The following TRPM3 variants were observed in gnomAD, a reference collection of about 807,000 sequenced individuals.
The protein encoded by TRPM3 is transient receptor potential cation channel subfamily M member 3.
Under a neutral mutation model 181.2 loss-of-function variants are expected in TRPM3, and 77 were observed. The ratio of observed to expected loss-of-function variants is 0.42; its 90% CI spans 0.35 to 0.51. The LOEUF is 0.51. Ranked by LOEUF, TRPM3 falls within the 20% of genes least tolerant of loss-of-function variation. The pLI is 0.01. For missense variants in TRPM3, 1,759 were observed against 2,196.7 expected (o/e 0.80, Z 3.98); for synonymous variants, 745 against 796.4 (o/e 0.94, Z 1.09).
chr9:71,147,680 C>T (rs1017648951), intron 1 of TRPM3, among the ~76,000 whole-genome samples: 2 of 152,046 alleles, frequency 1.3e-5, no homozygotes, highest in African/African-American at 4.8e-5. Flanking sequence ...GGAATTTATC[C>T]CATTTCAAGT....
At chr9:71,110,116 G>T (rs950344176) in intron 1 of TRPM3, among the ~76,000 whole-genome samples, 1 of 152,014 alleles carries the variant, frequency 6.6e-6, no homozygotes, top group South Asian at 2.1e-4. Flanking sequence ...CAATAAGCAC[G>T]AACGATTTAG....
chr9:71,420,747 A>AAGAGAGAGAG (rs1211935884), intron 1 of TRPM3, among the ~76,000 whole-genome samples: 1 of 83,904 alleles, frequency 1.2e-5, no homozygotes, highest in Admixed American at 1.1e-4. Flanking sequence ...AAGAGAGAGA[A>AAGAGAGAGAG]AGAGAGAGAA....
At chr9:70,650,810 C>A (rs2059506901) in intron 9 of TRPM3, among the ~76,000 whole-genome samples, 2 of 152,128 alleles carry the variant, frequency 1.3e-5, no homozygotes, top group Non-Finnish European at 2.9e-5. Context: ...TGATGATTCC[C>A]CCGCTTCATT....
intron 1 of TRPM3, among the ~76,000 whole-genome samples, chr9:70,934,678 C>T (rs2096808162): frequency 1.3e-5 from 2 of 152,044 alleles, no homozygotes; most frequent in South Asian, 4.2e-4. Context: ...AAGATTTTGC[C>T]ATTATGGCAA....
chr9:70,692,145 T>C (rs191002080), intron 8 of TRPM3, among the ~76,000 whole-genome samples: 1 of 152,362 alleles, frequency 6.6e-6, no homozygotes, highest in African/African-American at 2.4e-5. Flanking sequence ...GTTTGTAGTC[T>C]CATTTTATTC....
intron 3 of TRPM3, among the ~76,000 whole-genome samples, chr9:70,853,423 T>C (rs186737267): frequency 2.6e-5 from 4 of 152,334 alleles, no homozygotes; most frequent in African/African-American, 9.6e-5. Context: ...GCTCCTCAGG[T>C]ACCACATGAG....
chr9:70,583,698 G>A (rs900115071), intron 22 of TRPM3, among the ~76,000 whole-genome samples: 1 of 152,124 alleles, frequency 6.6e-6, no homozygotes, highest in Non-Finnish European at 1.5e-5. Context: ...AGCCATTTGG[G>A]GAGGTTCCTC....
chr9:70,698,947 C>A (rs2071510063), intron 8 of TRPM3, among the ~76,000 whole-genome samples: 1 of 152,150 alleles, frequency 6.6e-6, no homozygotes, highest in South Asian at 2.1e-4. Context: ...GCCAATTAAA[C>A]CTCTGTTCTT....
chr9:71,107,153 C>G (rs1333858882), intron 1 of TRPM3, among the ~76,000 whole-genome samples: 1 of 152,120 alleles, frequency 6.6e-6, no homozygotes. Context: ...TACCCCCAAC[C>G]CTGCACAGAG....
Position 70,934,703 on chromosome 9 carries a change from C to G in TRPM3, c.178-70192G>C, listed in dbSNP as rs2096808670. Among the ~76,000 whole-genome samples, 4 of 152,196 alleles carry G rather than the reference C, an allele frequency of 2.6e-5. No individual in the cohort carries two copies. In the South Asian group the frequency reaches 8.3e-4, roughly 32 times the overall value. On this transcript the variant is annotated intron_variant, in intron 1 of 25. Coordinates refer to ENST00000677713, the MANE Select transcript of TRPM3 (RefSeq NM_001366145.2). Reference sequence around the variant, plus strand: ...CATTATGGCAAAAAAACATGTATAACTACATTTCCTTTATTTCTCAGGCTA... The same window carrying G: ...CATTATGGCAAAAAAACATGTATAAGTACATTTCCTTTATTTCTCAGGCTA...
intron 1 of TRPM3, among the ~76,000 whole-genome samples, chr9:71,113,383 G>A (rs1353936519): frequency 6.6e-6 from 1 of 152,176 alleles, no homozygotes; most frequent in Non-Finnish European, 1.5e-5. Flanking sequence ...TGTGGTGAAT[G>A]GGTGATCCTA....
At chr9:70,765,647 G>A (rs1401595402) in intron 7 of TRPM3, among the ~76,000 whole-genome samples, 1 of 152,102 alleles carries the variant, frequency 6.6e-6, no homozygotes, top group Non-Finnish European at 1.5e-5. Flanking sequence ...TTTTTCATAA[G>A]TATTTGCTCT....
intron 1 of TRPM3, among the ~76,000 whole-genome samples, chr9:71,120,220 C>T (rs1454563806): frequency 1.3e-5 from 2 of 152,174 alleles, no homozygotes; most frequent in South Asian, 2.1e-4. Flanking sequence ...AAAGAGCATA[C>T]ATACTCAGGA....
Position 70,625,095 on chromosome 9 carries a change from T to C in TRPM3, c.1809+96A>G. 6 of 1,405,102 alleles carry C rather than the reference T, an allele frequency of 4.3e-6. No individual in the cohort carries two copies. Among genetic ancestry groups the C allele is most frequent in the Non-Finnish European group, 5.8e-6 (6 of 1,042,642 alleles). The allele number at this position is 1,405,102 out of a possible 1,614,324, so 87.0% of individuals were successfully genotyped here. A position where few individuals can be genotyped will look rare whatever the true frequency, so the allele number is the denominator to read the frequency against. On this transcript the variant is annotated intron_variant, in intron 14 of 25. Coordinates refer to ENST00000677713, the MANE Select transcript of TRPM3 (RefSeq NM_001366145.2). This position sits in a 1 kb window ranked among gnomAD's most constrained non-coding sequence, Gnocchi z 4.8. ...TAGGTTCACTCTCAGCGCAATTTTC[T>C]GATTTTAATTCCCCTTGGAGACAAA... is the stretch of plus-strand genomic sequence containing the variant.
intron 1 of TRPM3, among the ~76,000 whole-genome samples, chr9:71,217,297 T>C (rs2079950933): frequency 6.6e-6 from 1 of 152,096 alleles, no homozygotes; most frequent in African/African-American, 2.4e-5. Context: ...CTCTAGACAG[T>C]GTAACAGGGT....
At chr9:70,635,161 A>T in intron 12 of TRPM3, 50 bp downstream of exon 12, 1 of 1,552,856 alleles carries the variant, frequency 6.4e-7, no homozygotes, top group Non-Finnish European at 8.9e-7. Context: ...CTCTAATCAC[A>T]GGAAGCAGTC....
intron 17 of TRPM3, among the ~76,000 whole-genome samples, chr9:70,617,140 A>C (rs2062900378): frequency 6.6e-6 from 1 of 152,180 alleles, no homozygotes; most frequent in Non-Finnish European, 1.5e-5. Context: ...TGAATTCATG[A>C]TGCTGAATTC....
intron 1 of TRPM3, among the ~76,000 whole-genome samples, chr9:71,300,474 G>C (rs2086665927): frequency 6.6e-6 from 1 of 152,016 alleles, no homozygotes; most frequent in Non-Finnish European, 1.5e-5. Flanking sequence ...GAAGTAAATA[G>C]AAGACTTATA....
At chr9:70,640,963 T>C (rs2057975560) in intron 9 of TRPM3, among the ~76,000 whole-genome samples, 1 of 152,172 alleles carries the variant, frequency 6.6e-6, no homozygotes, top group African/African-American at 2.4e-5. Context: ...ATGGTATGCA[T>C]GTGATATTTT....
Sources: gnomAD v4.1 joint callset for allele counts (sites outside exome capture counted in the v4.1 genomes callset) on GRCh38, gnomAD v4.1.1 for gene constraint, Gnocchi (gnomAD v3.1) non-coding constraint, MANE v1.5 for transcripts, NCBI Gene and HGNC (gene_info 2026-07-23, HGNC 2026-07-21) for gene names.